Variants in MAST2 observed in about 807,000 individuals in gnomAD.
MAST2 encodes the protein microtubule associated serine/threonine kinase 2.
MAST2 carries 70 observed loss-of-function variants against 147.4 expected under a neutral mutation model. The ratio of observed to expected loss-of-function variants is 0.47; its 90% CI spans 0.39 to 0.58. The LOEUF is 0.58. MAST2 is among the 20% of genes least tolerant of loss of function. The probability of loss-of-function intolerance (pLI) is 0.00; values close to 1 mark genes in which losing one functional copy is unlikely to be tolerated. For synonymous variants in MAST2, 869 were observed against 896.8 expected (o/e 0.97, Z 0.55); for missense variants, 2,080 against 2,302.3 (o/e 0.90, Z 1.98).
chr1:46,035,419 G>T lies in MAST2; in HGVS notation c.4750G>T (p.Gly1584Trp). 1 of 1,612,372 alleles carries T rather than the reference G, an allele frequency of 6.2e-7. No homozygotes were observed. The highest frequency in any genetic ancestry group is 2.2e-5 in the East Asian group (1 of 44,768). Residue 1584 changes from glycine (G) to tryptophan (W), a missense_variant, in exon 29 of 29, where the codon GGG becomes TGG. Transcript: ENST00000361297. The surrounding 1 kb of genome is among the most constrained non-coding windows in gnomAD (Gnocchi z 5.5). ...ESPSGPHRRL[G>W]SPQAIEEAAS... ...TCCCAGTGGTCCCCACAGGAGGCTC[G>T]GGAGCCCACAAGCCATTGAGGAGGC...
chr1:45,959,300 T>C, intron 4 of MAST2, 86 bp from the exon 5 acceptor site: 1 of 965,936 alleles, frequency 1.0e-6, no homozygotes, highest in South Asian at 1.4e-5. Flanking sequence ...TGGAATGGTG[T>C]CCCTCTTTAG....
intron 3 of MAST2, among the ~76,000 whole-genome samples, chr1:45,876,405 G>A (rs970886458): frequency 1.3e-5 from 2 of 152,170 alleles, no homozygotes; most frequent in African/African-American, 2.4e-5. Flanking sequence ...ACTTGAATGT[G>A]TTCAGAATGC....
intron 3 of MAST2, among the ~76,000 whole-genome samples, chr1:45,836,348 G>A (rs986387586): frequency 1.3e-5 from 2 of 152,072 alleles, no homozygotes; most frequent in African/African-American, 4.8e-5. Flanking sequence ...TAATATTTTA[G>A]AACTGTCTGT....
chr1:45,873,859 T>C (rs1646495697), intron 3 of MAST2, among the ~76,000 whole-genome samples: 1 of 152,184 alleles, frequency 6.6e-6, no homozygotes, highest in Non-Finnish European at 1.5e-5. Flanking sequence ...CTCTCTCTGT[T>C]GCCCAGGCTG....
chr1:45,847,559 A>G lies in MAST2; in HGVS notation c.468+17978A>G, dbSNP rs1170724428. ...GAGCTGCTTTTCTACTATATGGATG[A>G]ATGACTTTTTTTCCCATCCTGCACT... On this transcript the variant is annotated intron_variant, in intron 3 of 28. Coordinates refer to ENST00000361297, the MANE Select transcript of MAST2 (RefSeq NM_015112.3). 14 of 815,340 alleles carry G rather than the reference A, an allele frequency of 1.7e-5. 1 individual carries two copies. Among genetic ancestry groups the G allele is most frequent in the Non-Finnish European group, 2.7e-5 (14 of 517,670 alleles). The allele number at this position is 815,340 out of a possible 1,614,324, so 50.5% of individuals were successfully genotyped here.
At chr1:45,919,643 G>A (rs1272599470) in intron 4 of MAST2, among the ~76,000 whole-genome samples, 5 of 152,288 alleles carry the variant, frequency 3.3e-5, no homozygotes, top group Admixed American at 6.5e-5. Flanking sequence ...AGCGCTTGGC[G>A]TATGAGGCTG....
At chr1:45,831,365 A>G (rs1023617290) in intron 3 of MAST2, among the ~76,000 whole-genome samples, 1 of 152,186 alleles carries the variant, frequency 6.6e-6, no homozygotes, top group Non-Finnish European at 1.5e-5. Flanking sequence ...CATTTGTTCA[A>G]TATGGGAAGT....
chr1:45,915,624 G>A (rs1230615470), intron 4 of MAST2, among the ~76,000 whole-genome samples: 3 of 151,726 alleles, frequency 2.0e-5, no homozygotes, highest in African/African-American at 7.3e-5. Flanking sequence ...GCAGGAGAAT[G>A]GCGTGAACCT....
intron 24 of MAST2, 80 bp from the exon 25 acceptor site, chr1:46,032,098 T>G: frequency 9.4e-7 from 1 of 1,066,996 alleles, no homozygotes; most frequent in East Asian, 2.4e-5. Flanking sequence ...GTGACTAGAG[T>G]TGTGCTGACA....
chr1:46,004,414 AG>A (rs1645401772), intron 7 of MAST2, among the ~76,000 whole-genome samples: 1 of 151,868 alleles, frequency 6.6e-6, no homozygotes, highest in Non-Finnish European at 1.5e-5. Flanking sequence ...CACTCAAACA[AG>A]TGATTTTTTT....
At chr1:45,871,243 T>C (rs1646380634) in intron 3 of MAST2, among the ~76,000 whole-genome samples, 1 of 151,544 alleles carries the variant, frequency 6.6e-6, no homozygotes. Context: ...CCTTTAAAAA[T>C]ATTGGTAGAG....
intron 5 of MAST2, among the ~76,000 whole-genome samples, chr1:45,972,944 G>A (rs529600248): frequency 1.3e-5 from 2 of 152,218 alleles, no homozygotes; most frequent in East Asian, 1.9e-4. Context: ...AAAGCATTGG[G>A]TCTAGTAGTA....
At chr1:45,975,519 A>AAAAAAC (rs1369725407) in intron 5 of MAST2, among the ~76,000 whole-genome samples, 1 of 137,494 alleles carries the variant, frequency 7.3e-6, no homozygotes, top group African/African-American at 2.8e-5. Context: ...AAAAAAAAAA[A>AAAAAAC]AAGCCAGGTG....
chr1:45,828,870 G>C (rs1173808345), intron 2 of MAST2, among the ~76,000 whole-genome samples: 1 of 151,968 alleles, frequency 6.6e-6, no homozygotes, highest in African/African-American at 2.4e-5. Flanking sequence ...GTTGCAATGA[G>C]CTGAGATCAC....
At chr1:45,838,215 CTT>C (rs61696475) in intron 3 of MAST2, among the ~76,000 whole-genome samples, 343 of 97,916 alleles carry the variant, frequency 3.5e-3, no homozygotes, top group South Asian at 0.011. Flanking sequence ...TATATATATT[CTT>C]TTTTTTTTTT....
intron 1 of MAST2, among the ~76,000 whole-genome samples, chr1:45,818,076 G>A (rs1644510534): frequency 6.6e-6 from 1 of 152,206 alleles, no homozygotes; most frequent in Non-Finnish European, 1.5e-5. Flanking sequence ...AATATGGCGG[G>A]AGGGAAAACT....
At chr1:45,924,595 G>C (rs943327583) in intron 4 of MAST2, among the ~76,000 whole-genome samples, 6 of 152,140 alleles carry the variant, frequency 3.9e-5, no homozygotes, top group Non-Finnish European at 8.8e-5. Context: ...AGTCATGTCA[G>C]TGGCCATATT....
chr1:45,913,756 A>G, intron 4 of MAST2: 1 of 1,045,888 alleles, frequency 9.6e-7, no homozygotes, highest in Non-Finnish European at 1.2e-6. Context: ...GGCTGACAGA[A>G]CTGCATACCC....
intron 4 of MAST2, among the ~76,000 whole-genome samples, chr1:45,889,104 C>G (rs1254778888): frequency 6.6e-6 from 1 of 152,198 alleles, no homozygotes. Flanking sequence ...CACCCTCAGT[C>G]TACCTAACTA....
Sources: gnomAD v4.1 joint callset for allele counts (sites outside exome capture counted in the v4.1 genomes callset) on GRCh38, gnomAD v4.1.1 for gene constraint, Gnocchi (gnomAD v3.1) non-coding constraint, MANE v1.5 for transcripts, NCBI Gene and HGNC (gene_info 2026-07-23, HGNC 2026-07-21) for gene names.